Variants in ARHGAP19 observed in about 807,000 individuals in gnomAD.
ARHGAP19 encodes the protein rho GTPase-activating protein 19.
ARHGAP19 carries 48 observed loss-of-function variants against 60.9 expected under a neutral mutation model. The observed-to-expected ratio is 0.79, with a 90% CI of 0.62 to 1.00. The LOEUF (loss-of-function observed/expected upper bound fraction) is 1.00, where lower values mean the gene tolerates loss of function less well. Ranked by LOEUF, ARHGAP19 falls within the 50% of genes least tolerant of loss-of-function variation. ARHGAP19 has a pLI of 0.00. For synonymous variants in ARHGAP19, 209 were observed against 215.5 expected (o/e 0.97, Z 0.27); for missense variants, 562 against 597.2 (o/e 0.94, Z 0.61).
chr10:97,225,821 A>T lies in ARHGAP19; in HGVS notation c.*301T>A. On this transcript the variant is annotated 3_prime_UTR_variant, in exon 12 of 12. Transcript: ENST00000358531. ...TTTCAAAAGTGGAATCTGCCTAAAC[A>T]CATTGAGTGAGCACTGAAGCCCACC... is the stretch of plus-strand genomic sequence containing the variant. 2.8e-6 allele frequency: 1 copy of T among 361,044 alleles called. No individual in the cohort carries two copies. The highest frequency in any genetic ancestry group is 5.0e-6 in the Non-Finnish European group (1 of 201,648). The allele number at this position is 361,044 out of a possible 1,614,324, so 22.4% of individuals were successfully genotyped here.
At chr10:97,292,497 T>A in intron 1 of ARHGAP19, 75 bp downstream of exon 1, 1 of 1,560,720 alleles carries the variant, frequency 6.4e-7, no homozygotes, top group Non-Finnish European at 8.8e-7. Flanking sequence ...TGCGCCTCCG[T>A]GACCCAAGGC....
intron 7 of ARHGAP19, among the ~76,000 whole-genome samples, chr10:97,245,595 CAAAAA>C (rs397845381): frequency 9.8e-5 from 11 of 112,334 alleles, no homozygotes; most frequent in Admixed American, 1.9e-4. Flanking sequence ...AACCCTATCT[CAAAAA>C]AAAAAAAAAA....
chr10:97,269,860 A>G (rs559118776), intron 1 of ARHGAP19, among the ~76,000 whole-genome samples: 48 of 152,348 alleles, frequency 3.2e-4, no homozygotes, highest in African/African-American at 1.1e-3. Flanking sequence ...TTACACTTTT[A>G]TTAATATCCA....
At chr10:97,231,033 C>CCCA (rs1564710204) in intron 9 of ARHGAP19, among the ~76,000 whole-genome samples, 1 of 133,396 alleles carries the variant, frequency 7.5e-6, no homozygotes, top group Non-Finnish European at 1.5e-5. Flanking sequence ...CTCCAGCCTG[C>CCCA]ACACCTAGTG....
chr10:97,240,675 T>C (rs1842465326), intron 8 of ARHGAP19, among the ~76,000 whole-genome samples: 1 of 152,330 alleles, frequency 6.6e-6, no homozygotes, highest in East Asian at 1.9e-4. Context: ...ATGTAAACAT[T>C]TAAAATGTTC....
chr10:97,286,796 T>C (rs1843162038), intron 1 of ARHGAP19, among the ~76,000 whole-genome samples: 1 of 152,256 alleles, frequency 6.6e-6, no homozygotes, highest in African/African-American at 2.4e-5. Flanking sequence ...CTCTTTTTAA[T>C]TAAAAAATAC....
chr10:97,262,477 C>G (rs988027674), intron 4 of ARHGAP19, among the ~76,000 whole-genome samples: 6 of 152,096 alleles, frequency 3.9e-5, no homozygotes, highest in African/African-American at 1.4e-4. Flanking sequence ...CCAGCCTGGC[C>G]AACATGGTGA....
chr10:97,232,798 A>G (rs1045185907), intron 9 of ARHGAP19, among the ~76,000 whole-genome samples: 1 of 152,130 alleles, frequency 6.6e-6, no homozygotes, highest in Non-Finnish European at 1.5e-5. Context: ...CACATCTGTA[A>G]TCCCAGCACT....
chr10:97,238,628 T>C (rs1248253358), intron 8 of ARHGAP19, among the ~76,000 whole-genome samples: 12 of 152,190 alleles, frequency 7.9e-5, no homozygotes, highest in Admixed American at 7.9e-4. Flanking sequence ...TTTGTACAGA[T>C]GCATAGTGTT....
chr10:97,237,835 C>T (rs1842406276), intron 8 of ARHGAP19, among the ~76,000 whole-genome samples: 1 of 151,868 alleles, frequency 6.6e-6, no homozygotes, highest in Non-Finnish European at 1.5e-5. Context: ...TGCGTCATTG[C>T]ACTCCAGCCT....
Position 97,236,029 on chromosome 10 carries a change from G to A in ARHGAP19, c.1186-714C>T, listed in dbSNP as rs368280551. ...TCTCACTCTGTTGCCAGGCTGGAGC[G>A]CAGTGGCACAATCTCGGCTCACTGC... On this transcript the variant is annotated intron_variant, in intron 8 of 11. Coordinates refer to ENST00000358531, the MANE Select transcript of ARHGAP19 (RefSeq NM_032900.6). 2.8e-3 allele frequency among the ~76,000 whole-genome samples: 428 copies of A among 152,252 alleles called. 2 individuals are homozygous for A. The highest frequency in any genetic ancestry group is 9.0e-3 in the African/African-American group (372 of 41,544).
rs566285345 is a variant in ARHGAP19 at position 97,265,481 on chromosome 10, A to C, written c.322+379T>G. On this transcript the variant is annotated intron_variant, in intron 2 of 11. Transcript: ENST00000358531. ...ACCACCACACTCCAGCATCGGCAACAAAGTGGGACCCCATCCCTTCAAAAA... is the reference window on the plus strand; with the variant it reads ...ACCACCACACTCCAGCATCGGCAACCAAGTGGGACCCCATCCCTTCAAAAA... 22 of 200,630 alleles carry C rather than the reference A, an allele frequency of 1.1e-4. No homozygotes were observed. In the East Asian group the frequency reaches 2.3e-3, roughly 21 times the overall value. 12.4% of individuals were successfully genotyped at this position (200,630 alleles called of 1,614,324 possible).
At chr10:97,290,051 T>A (rs560544819) in intron 1 of ARHGAP19, among the ~76,000 whole-genome samples, 68 of 150,556 alleles carry the variant, frequency 4.5e-4, no homozygotes, top group African/African-American at 1.5e-3. Context: ...AAAAAAAAAA[T>A]GATCAACCAT....
chr10:97,260,707 A>G lies in ARHGAP19; in HGVS notation c.614-1079T>C, dbSNP rs996043903. On this transcript the variant is annotated intron_variant, in intron 4 of 11. Transcript: ENST00000358531. ...GCTGGTGGGCATATAAAATGATATA[A>G]CCACTTAGAAAACATTTTGGCAGTT... Among the ~76,000 whole-genome samples, 5 of 152,272 alleles carry G rather than the reference A, an allele frequency of 3.3e-5. No individual in the cohort carries two copies. The East Asian group carries it at 7.7e-4, about 23-fold the overall frequency.
chr10:97,263,358 C>G, intron 4 of ARHGAP19, 62 bp downstream of exon 4: 1 of 1,531,488 alleles, frequency 6.5e-7, no homozygotes, highest in Non-Finnish European at 9.0e-7. Context: ...CAGAAATTTC[C>G]TAGGAACTTT....
At chr10:97,290,065 T>G (rs996195826) in intron 1 of ARHGAP19, among the ~76,000 whole-genome samples, 2 of 152,166 alleles carry the variant, frequency 1.3e-5, no homozygotes, top group Non-Finnish European at 2.9e-5. Flanking sequence ...CAACCATTTA[T>G]AGGCAGCTTC....
intron 11 of ARHGAP19, among the ~76,000 whole-genome samples, chr10:97,228,365 C>T (rs1850937634): frequency 6.6e-6 from 1 of 152,180 alleles, no homozygotes; most frequent in Non-Finnish European, 1.5e-5. Flanking sequence ...ACAACTATAA[C>T]CACTTGTTAA....
chr10:97,276,165 G>GC (rs1843018207), intron 1 of ARHGAP19, among the ~76,000 whole-genome samples: 1 of 3,946 alleles, frequency 2.5e-4, no homozygotes. Flanking sequence ...GGGGGGGTCA[G>GC]CCCCCCGCCT....
chr10:97,262,564 C>G (rs997827219), intron 4 of ARHGAP19, among the ~76,000 whole-genome samples: 2 of 152,100 alleles, frequency 1.3e-5, no homozygotes, highest in African/African-American at 4.8e-5. Context: ...ACTCGGGAGG[C>G]TGAGGCAGGA....
Sources: allele counts gnomAD v4.1 joint callset (sites outside exome capture counted in the v4.1 genomes callset), GRCh38; gene constraint gnomAD v4.1.1; transcripts MANE v1.5; gene names NCBI Gene and HGNC (gene_info 2026-07-23, HGNC 2026-07-21).